SEMA5A: variants seen among roughly 807,000 people sequenced by gnomAD.
The protein encoded by SEMA5A is semaphorin-5A.
In SEMA5A, 55 loss-of-function variants were observed where a neutral mutation model predicts 135.5. The ratio of observed to expected loss-of-function variants is 0.41; its 90% CI spans 0.33 to 0.51. The LOEUF is 0.51. Among genes scored for constraint, SEMA5A ranks in the 20% least tolerant of loss-of-function variants. The pLI is 0.37. For missense variants in SEMA5A, 1,290 were observed against 1,419.9 expected (o/e 0.91, Z 1.47); for synonymous variants, 580 against 546.5 (o/e 1.06, Z -0.85).
intron 1 of SEMA5A, chr5:9,512,046 G>A (rs1178518876): frequency 6.6e-6 from 1 of 152,126 alleles, no homozygotes; most frequent in Non-Finnish European, 1.5e-5. Flanking sequence ...CACAGTTTGG[G>A]GATGAATGAA....
Position 9,379,924 on chromosome 5 carries a change from G to A in SEMA5A, c.23C>T (p.Ala8Val), listed in dbSNP as rs1384081653. MKGTCVI[A>V]WLFSSLGLWR... ...CAGCCCCAGGCTTGAGAACAGCCAT[G>A]CTATAACACAGGTTCCCTTCATGGT... is the stretch of plus-strand genomic sequence containing the variant. The change falls in exon 3 of 23, where the codon GCA (alanine) becomes GTA (valine). Residue 8 changes from alanine (A) to valine (V), a missense_variant. Coordinates refer to ENST00000382496, the MANE Select transcript of SEMA5A (RefSeq NM_003966.3). 1.2e-6 allele frequency: 2 copies of A among 1,613,214 alleles called. No homozygotes were observed. The highest frequency in any genetic ancestry group is 1.7e-6 in the Non-Finnish European group (2 of 1,179,580).
intron 11 of SEMA5A, among the ~76,000 whole-genome samples, chr5:9,156,143 G>A (rs537108159): frequency 5.9e-5 from 9 of 152,328 alleles, no homozygotes; most frequent in East Asian, 1.9e-4. Flanking sequence ...CAGCTGTGGC[G>A]TAGAGAGGCA....
chr5:9,241,472 T>C (rs938956621), intron 5 of SEMA5A, among the ~76,000 whole-genome samples: 1 of 149,920 alleles, frequency 6.7e-6, no homozygotes, highest in African/African-American at 2.5e-5. Context: ...ATTGTTATAG[T>C]AGCCATATGC....
At chr5:9,252,749 C>T (rs969222593) in intron 5 of SEMA5A, among the ~76,000 whole-genome samples, 2 of 152,148 alleles carry the variant, frequency 1.3e-5, no homozygotes, top group Non-Finnish European at 2.9e-5. Context: ...CATATTCTTC[C>T]TTTATGGTAA....
In SEMA5A at chr5:9,106,912, A is replaced by G. The variant is rs141249605; in HGVS notation, c.2073+1228T>C. On this transcript the variant is annotated intron_variant, in intron 16 of 22. Transcript: ENST00000382496. ...TCTTTTCCATTGTGAAGGGGAAGAA[A>G]TCTAATTGTAATTTCCAATAACAGA... Among the ~76,000 whole-genome samples the G allele has an allele frequency of 7.2e-5, 11 of 152,310 alleles. No individual in the cohort carries two copies. In the East Asian group the frequency reaches 2.1e-3, roughly 29 times the overall value.
chr5:9,520,640 T>C (rs1736776317), intron 1 of SEMA5A, among the ~76,000 whole-genome samples: 1 of 152,228 alleles, frequency 6.6e-6, no homozygotes, highest in East Asian at 1.9e-4. Context: ...GTGGCATCAC[T>C]GGTAAGTCCT....
intron 5 of SEMA5A, chr5:9,265,691 A>G (rs1019734975): frequency 1.0e-5 from 4 of 395,134 alleles, no homozygotes; most frequent in Non-Finnish European, 2.0e-5. Flanking sequence ...GCAACTTCTG[A>G]GGTCTGCTAA....
chr5:9,436,706 A>G (rs147874992), intron 2 of SEMA5A, among the ~76,000 whole-genome samples: 3,910 of 152,320 alleles, frequency 0.026, 61 homozygotes, highest in South Asian at 0.046. Flanking sequence ...TTAATAAACA[A>G]TGGTAGTGTC....
intron 1 of SEMA5A, among the ~76,000 whole-genome samples, chr5:9,537,554 A>G (rs1377478032): frequency 6.6e-6 from 1 of 152,236 alleles, no homozygotes; most frequent in African/African-American, 2.4e-5. Context: ...ATAACTCCTT[A>G]CCACTCATGA....
At chr5:9,208,988 C>T (rs1438103646) in intron 8 of SEMA5A, among the ~76,000 whole-genome samples, 3 of 152,134 alleles carry the variant, frequency 2.0e-5, no homozygotes, top group Non-Finnish European at 4.4e-5. Context: ...AGTTCTAGCA[C>T]ATTTGATTCC....
intron 3 of SEMA5A, among the ~76,000 whole-genome samples, chr5:9,342,391 T>A (rs1324860296): frequency 6.6e-6 from 1 of 152,246 alleles, no homozygotes; most frequent in African/African-American, 2.4e-5. Context: ...CACTAAGGGC[T>A]GGCTCCGGAT....
chr5:9,402,766 A>G (rs1019621762), intron 2 of SEMA5A, among the ~76,000 whole-genome samples: 5 of 152,216 alleles, frequency 3.3e-5, no homozygotes, highest in South Asian at 2.1e-4. Context: ...TTAAGGGTCC[A>G]CAAGATGTTA....
intron 12 of SEMA5A, among the ~76,000 whole-genome samples, chr5:9,154,085 ATATATATATG>A (rs1284629098): frequency 1.2e-5 from 1 of 85,062 alleles, no homozygotes; most frequent in Non-Finnish European, 2.3e-5. Context: ...ATATATATAT[ATATATATATG>A]TGTGTGTGTG....
chr5:9,211,866 T>TA (rs1427987840), intron 8 of SEMA5A, among the ~76,000 whole-genome samples: 2 of 152,184 alleles, frequency 1.3e-5, no homozygotes, highest in African/African-American at 2.4e-5. Flanking sequence ...TAATAGCTCA[T>TA]AAAAAATGAT....
intron 15 of SEMA5A, among the ~76,000 whole-genome samples, chr5:9,111,395 A>G (rs1278992590): frequency 1.3e-5 from 2 of 152,208 alleles, no homozygotes; most frequent in Non-Finnish European, 2.9e-5. Context: ...CCATTTCCCC[A>G]AAGCAAAATA....
chr5:9,342,119 C>A (rs1579377014), intron 3 of SEMA5A, among the ~76,000 whole-genome samples: 2 of 150,988 alleles, frequency 1.3e-5, no homozygotes, highest in African/African-American at 2.4e-5. Flanking sequence ...AAAAGAAATG[C>A]AAAGAAAAAG....
chr5:9,195,004 A>T (rs1042727043), intron 10 of SEMA5A, among the ~76,000 whole-genome samples: 5 of 152,214 alleles, frequency 3.3e-5, no homozygotes, highest in Non-Finnish European at 7.3e-5. Flanking sequence ...TGCAATAAAA[A>T]CATCACTGTA....
intron 1 of SEMA5A, among the ~76,000 whole-genome samples, chr5:9,449,111 T>C (rs111936023): frequency 1.2e-3 from 183 of 152,274 alleles, no homozygotes; most frequent in African/African-American, 4.2e-3. Flanking sequence ...TAAAGATACA[T>C]GTACCCGTAT....
Position 9,236,227 on chromosome 5 carries a change from T to G in SEMA5A, c.333+1601A>C, listed in dbSNP as rs180919331. Among the ~76,000 whole-genome samples the G allele has an allele frequency of 1.0e-3, 154 of 152,282 alleles. 1 individual carries two copies. Among genetic ancestry groups the G allele is most frequent in the African/African-American group, 3.7e-3 (154 of 41,558 alleles). Reference sequence around the variant, plus strand: ...CACACAGAGCAACCCCTGGGAGGCATTGATATCCCCAGGCAAGGCCCACGG... The same window carrying G: ...CACACAGAGCAACCCCTGGGAGGCAGTGATATCCCCAGGCAAGGCCCACGG... On this transcript the variant is annotated intron_variant, in intron 6 of 22. Coordinates refer to ENST00000382496, the MANE Select transcript of SEMA5A (RefSeq NM_003966.3).
Sources: gnomAD v4.1 joint callset for allele counts (sites outside exome capture counted in the v4.1 genomes callset) on GRCh38, gnomAD v4.1.1 for gene constraint, MANE v1.5 for transcripts, NCBI Gene and HGNC (gene_info 2026-07-23, HGNC 2026-07-21) for gene names.